PPP1R1C: variants seen among roughly 807,000 people sequenced by gnomAD.
The protein encoded by PPP1R1C is protein phosphatase 1 regulatory subunit 1C.
In PPP1R1C, 15 loss-of-function variants were observed where a neutral mutation model predicts 17.4. The observed-to-expected ratio is 0.86, with a 90% confidence interval of 0.58 to 1.33. The LOEUF is 1.33. PPP1R1C is among the 40% of genes most tolerant of loss of function. PPP1R1C has a pLI of 0.00. For missense variants in PPP1R1C, 143 were observed against 130.0 expected (o/e 1.10, Z -0.48); for synonymous variants, 35 against 43.1 (o/e 0.81, Z 0.73).
Position 181,962,213 on chromosome 2 carries a change from TC to T in PPP1R1C, n.111+7580del. On this transcript the variant is annotated intron_variant and non_coding_transcript_variant, in intron 1 of 5. Transcript: ENST00000464264. This position sits in a 1 kb window ranked among gnomAD's most constrained non-coding sequence, Gnocchi z 6.0. ...TCTGTCCAGGTAGGAGGCCAGACGG[TC>T]ATTCAGGCTTTGCATTGTCTCCTTC... 1.4e-6 allele frequency: 1 copy of T among 736,204 alleles called. No individual in the cohort carries two copies. The highest frequency in any genetic ancestry group is 2.7e-4 in the Middle Eastern group (1 of 3,688). The allele number at this position is 736,204 out of a possible 1,614,324, so 45.6% of individuals were successfully genotyped here. A position where few individuals can be genotyped will look rare whatever the true frequency, so the allele number is the denominator to read the frequency against.
chr2:182,046,555 G>A (rs1271669490), intron 2 of PPP1R1C, among the ~76,000 whole-genome samples: 10 of 146,812 alleles, frequency 6.8e-5, no homozygotes, highest in Admixed American at 3.5e-4. Flanking sequence ...GTGAAACCTC[G>A]TCTCTACTCA....
intron 4 of PPP1R1C, among the ~76,000 whole-genome samples, chr2:182,089,235 C>T (rs985296392): frequency 3.3e-5 from 5 of 152,150 alleles, no homozygotes; most frequent in Admixed American, 2.6e-4. Flanking sequence ...TAAATGCTGC[C>T]ACTGAAAGCA....
downstream of PPP1R1C, chr2:182,130,408 C>G (rs1689978204): frequency 6.6e-6 from 1 of 152,152 alleles, no homozygotes; most frequent in South Asian, 2.1e-4. Flanking sequence ...AGACAACATT[C>G]TACCTGCTGC....
chr2:181,965,687 G>A (rs10204134), intron 1 of PPP1R1C, among the ~76,000 whole-genome samples: 12,552 of 152,184 alleles, frequency 0.082, 896 homozygotes, highest in African/African-American at 0.18. Context: ...CCAAAACCAT[G>A]CTGTTTTGGT....
chr2:182,069,215 A>G (rs1451436889), intron 4 of PPP1R1C, among the ~76,000 whole-genome samples: 1 of 151,150 alleles, frequency 6.6e-6, no homozygotes, highest in African/African-American at 2.4e-5. Flanking sequence ...AGCTCAAGAA[A>G]CATTTTGACA....
chr2:182,125,776 T>G (rs1312654872), intron 5 of PPP1R1C, among the ~76,000 whole-genome samples: 3 of 152,172 alleles, frequency 2.0e-5, no homozygotes, highest in Non-Finnish European at 4.4e-5. Flanking sequence ...GTCTATTTGA[T>G]TCTTCTCTCT....
chr2:182,018,198 A>G (rs1292496048), intron 2 of PPP1R1C, among the ~76,000 whole-genome samples: 1 of 152,210 alleles, frequency 6.6e-6, no homozygotes, highest in African/African-American at 2.4e-5. Context: ...AAAAACATTG[A>G]GAGTATAATT....
exon 6 of PPP1R1C, chr2:182,129,089 C>T (rs917222753): frequency 3.9e-4 from 59 of 152,254 alleles, no homozygotes; most frequent in African/African-American, 1.4e-3. Flanking sequence ...CATGATGCCA[C>T]GTTGCTTTCT....
chr2:182,082,734 A>G (rs1371598167), intron 4 of PPP1R1C, among the ~76,000 whole-genome samples: 1 of 152,182 alleles, frequency 6.6e-6, no homozygotes, highest in African/African-American at 2.4e-5. Flanking sequence ...AAGTAATATT[A>G]CTAGAGGATC....
intron 2 of PPP1R1C, among the ~76,000 whole-genome samples, chr2:181,997,091 C>T (rs1228093775): frequency 6.6e-6 from 1 of 151,928 alleles, no homozygotes; most frequent in Non-Finnish European, 1.5e-5. Flanking sequence ...TAGCTGGGCG[C>T]GGTGGCGGGC....
intron 4 of PPP1R1C, among the ~76,000 whole-genome samples, chr2:182,093,383 A>G (rs1275428924): frequency 6.6e-6 from 1 of 152,184 alleles, no homozygotes; most frequent in Non-Finnish European, 1.5e-5. Flanking sequence ...CAGGCCTGTG[A>G]TGGGAAAGGC....
In PPP1R1C at chr2:182,011,533, T is replaced by C. The variant is rs542174693; in HGVS notation, c.142+23634T>C. 2.6e-4 allele frequency among the ~76,000 whole-genome samples: 40 copies of C among 152,174 alleles called. 1 individual carries two copies. Among genetic ancestry groups the C allele is most frequent in the Admixed American group, 6.5e-4 (10 of 15,294 alleles). ...TTTCCTTCATCTGGCTAAAAGTTTG[T>C]TGATTCTGTTTATCTTTTCAAAAAC... On this transcript the variant is annotated intron_variant, in intron 2 of 4. Transcript: ENST00000682840.
chr2:182,099,102 G>A (rs1364958477), intron 4 of PPP1R1C, among the ~76,000 whole-genome samples: 1 of 152,158 alleles, frequency 6.6e-6, no homozygotes, highest in Non-Finnish European at 1.5e-5. Context: ...TGGGGTGGGG[G>A]AAAACTAGAT....
intron 2 of PPP1R1C, among the ~76,000 whole-genome samples, chr2:182,015,799 C>T (rs139766094): frequency 2.0e-3 from 309 of 152,162 alleles, no homozygotes; most frequent in African/African-American, 7.2e-3. Context: ...AAAAAGTCCT[C>T]TTTATTCTAT....
chr2:182,006,667 A>G (rs148704567), intron 2 of PPP1R1C, among the ~76,000 whole-genome samples: 128 of 152,350 alleles, frequency 8.4e-4, no homozygotes, highest in African/African-American at 3.0e-3. Context: ...CTTGAAAGGC[A>G]GATGTGCTGA....
At chr2:182,044,756 A>G (rs1171772461) in intron 2 of PPP1R1C, among the ~76,000 whole-genome samples, 1 of 152,228 alleles carries the variant, frequency 6.6e-6, no homozygotes, top group Non-Finnish European at 1.5e-5. Flanking sequence ...AGCACAGAGT[A>G]TATATGCAAT....
At chr2:182,018,039 A>C (rs1262680638) in intron 2 of PPP1R1C, among the ~76,000 whole-genome samples, 1 of 152,132 alleles carries the variant, frequency 6.6e-6, no homozygotes, top group Admixed American at 6.6e-5. Context: ...CTAATCAATA[A>C]TAGTTATTTC....
At chr2:182,028,028 G>C (rs1309085373) in intron 2 of PPP1R1C, among the ~76,000 whole-genome samples, 3 of 127,512 alleles carry the variant, frequency 2.4e-5, no homozygotes, top group African/African-American at 9.0e-5. Flanking sequence ...TCTGATGGTA[G>C]TTTGTATTTC....
downstream of PPP1R1C, among the ~76,000 whole-genome samples, chr2:182,121,744 C>G (rs1016365196): frequency 6.6e-6 from 1 of 152,062 alleles, no homozygotes; most frequent in Admixed American, 6.6e-5. Context: ...CCTCATAATC[C>G]GCCCGCCTCA....
Sources: allele counts gnomAD v4.1 joint callset (sites outside exome capture counted in the v4.1 genomes callset), GRCh38; gene constraint gnomAD v4.1.1; non-coding constraint Gnocchi (gnomAD v3.1); transcripts MANE v1.5; gene names NCBI Gene and HGNC (gene_info 2026-07-23, HGNC 2026-07-21).